The following COL11A1 variants were observed in gnomAD, a reference collection of about 807,000 sequenced individuals.
COL11A1 encodes collagen alpha-1(XI) chain.
Under a neutral mutation model 265.2 loss-of-function variants are expected in COL11A1, and 74 were observed. The ratio of observed to expected loss-of-function variants is 0.28; its 90% confidence interval spans 0.23 to 0.34. The LOEUF is 0.34. COL11A1 is among the 10% of genes least tolerant of loss of function. The pLI, the probability that COL11A1 is intolerant of heterozygous loss-of-function variation, is 1.00. For synonymous variants in COL11A1, 816 were observed against 727.6 expected (o/e 1.12, Z -1.96); for missense variants, 2,165 against 2,263.6 (o/e 0.96, Z 0.88).
At position 102,935,130 on chromosome 1, in the gene COL11A1, A is replaced by C; in HGVS notation, c.3439-17T>G. On this transcript the variant is annotated splice_polypyrimidine_tract_variant and intron_variant, in intron 44 of 66. Coordinates refer to ENST00000370096, the MANE Select transcript of COL11A1 (RefSeq NM_001854.4). ...GGGAGGGCCCTGCAGTGAGATAAAA[A>C]TAAGTAATTTTTAAAGTGAAGCCAG... The C allele has an allele frequency of 6.2e-7, 1 of 1,611,902 alleles. No homozygotes were observed. The highest frequency in any genetic ancestry group is 8.5e-7 in the Non-Finnish European group (1 of 1,178,584).
chr1:103,062,848 A>G (rs779821011), intron 4 of COL11A1, among the ~76,000 whole-genome samples: 51 of 152,010 alleles, frequency 3.4e-4, no homozygotes, highest in South Asian at 2.1e-4. Context: ...TAAAAAATCC[A>G]AAATAATTGA....
intron 1 of COL11A1, among the ~76,000 whole-genome samples, chr1:103,096,375 G>A (rs114101125): frequency 5.3e-4 from 81 of 152,108 alleles, no homozygotes; most frequent in African/African-American, 1.9e-3. Context: ...GAGAGAAAAT[G>A]AGTAAAGCTT....
intron 30 of COL11A1, among the ~76,000 whole-genome samples, chr1:102,984,774 A>G (rs1663376938): frequency 6.6e-6 from 1 of 152,028 alleles, no homozygotes; most frequent in Non-Finnish European, 1.5e-5. Context: ...CTGGACTAAT[A>G]AATATAATAT....
At chr1:103,043,102 T>A (rs1204014719) in intron 4 of COL11A1, among the ~76,000 whole-genome samples, 1 of 146,420 alleles carries the variant, frequency 6.8e-6, no homozygotes, top group Non-Finnish European at 1.5e-5. Context: ...GAAATATATA[T>A]AATGAATACC....
intron 6 of COL11A1, 72 bp from the exon 7 acceptor site, chr1:103,025,685 T>C (rs1667454682): frequency 6.4e-7 from 1 of 1,568,886 alleles, no homozygotes; most frequent in South Asian, 1.1e-5. Context: ...CATGATTTAA[T>C]TGGGTTATAG....
intron 48 of COL11A1, among the ~76,000 whole-genome samples, chr1:102,921,021 T>A (rs187607447): frequency 6.6e-6 from 1 of 152,170 alleles, no homozygotes; most frequent in Non-Finnish European, 1.5e-5. Context: ...CTTATAACAT[T>A]AAAATAATTT....
chr1:103,104,227 A>T (rs57273500), intron 1 of COL11A1, among the ~76,000 whole-genome samples: 8,435 of 152,122 alleles, frequency 0.055, 807 homozygotes, highest in African/African-American at 0.19. Context: ...TGAAATAGCC[A>T]GCATCTCACT....
intron 42 of COL11A1, among the ~76,000 whole-genome samples, chr1:102,941,540 A>T (rs1658723384): frequency 6.6e-6 from 1 of 151,966 alleles, no homozygotes; most frequent in Admixed American, 6.6e-5. Context: ...CTGCATTCCA[A>T]CCCTTCTAGA....
chr1:102,903,710 G>C (rs1227173092), intron 54 of COL11A1, among the ~76,000 whole-genome samples: 2 of 152,102 alleles, frequency 1.3e-5, no homozygotes, highest in East Asian at 3.9e-4. Flanking sequence ...GAACTCAAAG[G>C]TTTGTGGTGA....
chr1:103,087,272 C>G (rs1288074133), intron 1 of COL11A1, among the ~76,000 whole-genome samples: 2 of 152,128 alleles, frequency 1.3e-5, no homozygotes, highest in Non-Finnish European at 2.9e-5. Flanking sequence ...TTATTGAATA[C>G]CTATAGGTTT....
chr1:103,069,865 G>A (rs572671917), intron 4 of COL11A1, among the ~76,000 whole-genome samples: 5 of 151,956 alleles, frequency 3.3e-5, no homozygotes, highest in South Asian at 2.1e-4. Flanking sequence ...ACTACAATGC[G>A]TCTAGTTAGA....
chr1:102,991,761 A>C (rs1664161039), intron 28 of COL11A1, among the ~76,000 whole-genome samples: 1 of 152,116 alleles, frequency 6.6e-6, no homozygotes, highest in African/African-American at 2.4e-5. Context: ...GGTACTTGTG[A>C]ATATGAGACC....
At chr1:102,993,282 T>C (rs1664316455) in intron 28 of COL11A1, among the ~76,000 whole-genome samples, 1 of 152,138 alleles carries the variant, frequency 6.6e-6, no homozygotes, top group African/African-American at 2.4e-5. Flanking sequence ...TGTGCTCCTT[T>C]GTCAATTCAG....
chr1:102,957,859 C>A (rs1385540274), intron 41 of COL11A1, among the ~76,000 whole-genome samples: 1 of 151,876 alleles, frequency 6.6e-6, no homozygotes, highest in Non-Finnish European at 1.5e-5. Context: ...AAAAAAAAAT[C>A]TACCATTCCA....
chr1:103,036,662 G>A (rs1668396824), intron 4 of COL11A1, among the ~76,000 whole-genome samples: 1 of 151,880 alleles, frequency 6.6e-6, no homozygotes, highest in African/African-American at 2.4e-5. Context: ...CGTATGACAT[G>A]TTTTAAGACA....
At chr1:102,929,370 T>C (rs1353268932) in intron 46 of COL11A1, among the ~76,000 whole-genome samples, 3 of 152,152 alleles carry the variant, frequency 2.0e-5, no homozygotes, top group Admixed American at 6.5e-5. Context: ...ATTGTTTGTT[T>C]TTCTCAGGTT....
intron 15 of COL11A1, among the ~76,000 whole-genome samples, chr1:103,007,666 T>C (rs1179436581): frequency 1.3e-5 from 2 of 152,046 alleles, no homozygotes; most frequent in African/African-American, 4.8e-5. Flanking sequence ...GAGACCAGAC[T>C]GGGCAACATG....
chr1:102,996,032 C>T lies in COL11A1; in HGVS notation c.2252G>A (p.Gly751Asp). ...SGEKGALGPP[G>D]PQGPIGYPGP... ...CGGGTATCCAATAGGACCTTGTGGACCAGGGGGACCCTGAAATAGATGAAT... is the reference window on the plus strand; with the variant it reads ...CGGGTATCCAATAGGACCTTGTGGATCAGGGGGACCCTGAAATAGATGAAT... The change falls in exon 27 of 67, where the codon GGT becomes GAT. Residue 751 changes from glycine to aspartate, a missense_variant. Physicochemically the swap from Gly to Asp is moderately conservative, Grantham distance 94. Coordinates refer to ENST00000370096, the MANE Select transcript of COL11A1 (RefSeq NM_001854.4). The T allele has an allele frequency of 6.2e-7, 1 of 1,613,178 alleles. No individual in the cohort carries two copies. Among genetic ancestry groups the T allele is most frequent in the Non-Finnish European group, 8.5e-7 (1 of 1,179,458 alleles).
intron 41 of COL11A1, among the ~76,000 whole-genome samples, chr1:102,953,200 A>C (rs1056359678): frequency 6.6e-6 from 1 of 152,232 alleles, no homozygotes; most frequent in African/African-American, 2.4e-5. Flanking sequence ...GTCTTTAAGC[A>C]TAGGTAAAAT....
Sources: allele counts gnomAD v4.1 joint callset (sites outside exome capture counted in the v4.1 genomes callset), GRCh38; gene constraint gnomAD v4.1.1; transcripts MANE v1.5; gene names NCBI Gene and HGNC (gene_info 2026-07-23, HGNC 2026-07-21).